The following RHOJ variants were observed in gnomAD, a reference collection of about 807,000 sequenced individuals.
The protein encoded by RHOJ is ras homolog family member J.
In RHOJ, 11 loss-of-function variants were observed where a neutral mutation model predicts 23.4. The ratio of observed to expected loss-of-function variants is 0.47; its 90% CI spans 0.30 to 0.78. The LOEUF (loss-of-function observed/expected upper bound fraction) is 0.78. Among genes scored for constraint, RHOJ ranks in the 30% least tolerant of loss-of-function variants. The pLI, the probability that RHOJ is intolerant of heterozygous loss-of-function variation, is 0.08. For missense variants in RHOJ, 254 were observed against 273.4 expected (o/e 0.93, Z 0.50); for synonymous variants, 102 against 102.7 (o/e 0.99, Z 0.04).
At chr14:63,288,947 T>C (rs1882166647) in intron 4 of RHOJ, among the ~76,000 whole-genome samples, 1 of 152,204 alleles carries the variant, frequency 6.6e-6, no homozygotes, top group Non-Finnish European at 1.5e-5. Context: ...AGCTGAGTGA[T>C]AGGGGTCACA....
intron 1 of RHOJ, among the ~76,000 whole-genome samples, chr14:63,254,744 G>T (rs568262340): frequency 6.6e-6 from 1 of 152,254 alleles, no homozygotes; most frequent in Admixed American, 6.5e-5. Flanking sequence ...TGCTCCTAAA[G>T]CCATGCCCAC....
chr14:63,244,983 T>C (rs1894950875), intron 1 of RHOJ, among the ~76,000 whole-genome samples: 1 of 152,244 alleles, frequency 6.6e-6, no homozygotes, highest in South Asian at 2.1e-4. Context: ...GTATGAGCTT[T>C]GGAGTTCAAC....
chr14:63,229,772 A>G (rs1360310843), intron 1 of RHOJ, among the ~76,000 whole-genome samples: 4 of 152,182 alleles, frequency 2.6e-5, no homozygotes, highest in Non-Finnish European at 5.9e-5. Flanking sequence ...TAATCTCCTT[A>G]TCTTAAGGGC....
chr14:63,253,843 G>T (rs1895115575), intron 1 of RHOJ, among the ~76,000 whole-genome samples: 1 of 152,214 alleles, frequency 6.6e-6, no homozygotes, highest in African/African-American at 2.4e-5. Flanking sequence ...GCTTGAGTTT[G>T]TCTCAGGAGG....
intron 4 of RHOJ, among the ~76,000 whole-genome samples, chr14:63,289,057 T>G (rs1882169353): frequency 1.3e-5 from 2 of 152,220 alleles, no homozygotes; most frequent in South Asian, 4.1e-4. Context: ...GCAATTCATT[T>G]TACCTCTCTG....
At chr14:63,217,201 A>G (rs1215380075) in intron 1 of RHOJ, among the ~76,000 whole-genome samples, 1 of 150,212 alleles carries the variant, frequency 6.7e-6, no homozygotes, top group Non-Finnish European at 1.5e-5. Flanking sequence ...CTCGTCATCT[A>G]GCATTAGGTA....
intron 1 of RHOJ, among the ~76,000 whole-genome samples, chr14:63,215,904 T>TTGAATGAA (rs564224871): frequency 2.6e-5 from 4 of 152,080 alleles, no homozygotes; most frequent in Admixed American, 6.6e-5. Context: ...GAACTGTTTG[T>TTGAATGAA]TGAATGAATG....
At chr14:63,208,143 G>A (rs1234353780) in intron 1 of RHOJ, among the ~76,000 whole-genome samples, 1 of 151,682 alleles carries the variant, frequency 6.6e-6, no homozygotes, top group African/African-American at 2.4e-5. Context: ...GGAAATATCA[G>A]TTTTGCATGA....
intron 1 of RHOJ, among the ~76,000 whole-genome samples, chr14:63,267,079 T>A (rs1348749690): frequency 6.6e-6 from 1 of 152,212 alleles, no homozygotes; most frequent in East Asian, 1.9e-4. Flanking sequence ...GAATCTGGTC[T>A]TTCTGCTCCT....
At chr14:63,283,271 T>C (rs749743772) in intron 4 of RHOJ, 55 bp downstream of exon 4, 4 of 1,445,670 alleles carry the variant, frequency 2.8e-6, no homozygotes, top group South Asian at 1.1e-5. Flanking sequence ...GAGTGTGTTG[T>C]ATGCTTTGGA....
rs191951720 is a variant in RHOJ, at chr14:63,263,031, C to T, written c.179-6079C>T. 1.1e-4 allele frequency among the ~76,000 whole-genome samples: 16 copies of T among 152,238 alleles called. No individual in the cohort carries two copies. The East Asian group carries it at 2.7e-3, about 26-fold the overall frequency. On this transcript the variant is annotated intron_variant, in intron 1 of 4. Transcript: ENST00000316754. The stretch of plus-strand genomic sequence containing the variant: ...TTGCTGAAAGAGGAAAAATAACAGT[C>T]GTTTAGTACCCACCATAGGTCAGAC...
chr14:63,285,787 G>A (rs1882064214), intron 4 of RHOJ, among the ~76,000 whole-genome samples: 1 of 152,172 alleles, frequency 6.6e-6, no homozygotes, highest in Non-Finnish European at 1.5e-5. Context: ...ATATGTGCCA[G>A]GTGCTATGCT....
At chr14:63,219,155 C>T (rs1048390240) in intron 1 of RHOJ, among the ~76,000 whole-genome samples, 6 of 152,112 alleles carry the variant, frequency 3.9e-5, no homozygotes, top group Non-Finnish European at 2.9e-5. Context: ...TATTGGCAGA[C>T]ACTTAGCTCC....
Position 63,269,182 on chromosome 14 carries a change from A to T in RHOJ, c.237+14A>T, listed in dbSNP as rs1158794477. ...ACCGCGGGACAGGTACATTTTTATTATCTTGATTCATTGGAGGGCGGTGGT... is the reference window on the plus strand; with the variant it reads ...ACCGCGGGACAGGTACATTTTTATTTTCTTGATTCATTGGAGGGCGGTGGT... On this transcript the variant is annotated intron_variant, in intron 2 of 4. Coordinates refer to ENST00000316754, the MANE Select transcript of RHOJ (RefSeq NM_020663.5). 1.2e-6 allele frequency: 2 copies of T among 1,600,794 alleles called. No individual in the cohort carries two copies. The highest frequency in any genetic ancestry group is 8.6e-7 in the Non-Finnish European group (1 of 1,168,072).
chr14:63,230,067 C>A (rs1894662750), intron 1 of RHOJ, among the ~76,000 whole-genome samples: 1 of 152,066 alleles, frequency 6.6e-6, no homozygotes, highest in South Asian at 2.1e-4. Flanking sequence ...TTGTCTCAAC[C>A]ACCCTTACAG....
intron 1 of RHOJ, among the ~76,000 whole-genome samples, chr14:63,228,841 T>C (rs138177276): frequency 2.0e-5 from 3 of 152,334 alleles, no homozygotes; most frequent in African/African-American, 7.2e-5. Context: ...GCATTCACAA[T>C]TAAGTAATTT....
At chr14:63,284,142 A>G (rs1400915235) in intron 4 of RHOJ, 1 of 813,556 alleles carries the variant, frequency 1.2e-6, no homozygotes, top group Non-Finnish European at 1.5e-6. Flanking sequence ...GCCAGTCAAG[A>G]ATATTAACTA....
In RHOJ at chr14:63,210,841, T is replaced by C. The variant is rs1029680044; in HGVS notation, c.178+5794T>C. Among the ~76,000 whole-genome samples the C allele has an allele frequency of 5.3e-5, 8 of 152,340 alleles. No individual in the cohort carries two copies. The East Asian group carries it at 1.3e-3, about 26-fold the overall frequency. ...AAGCTCATTCCAGCTGAAACCTCTT[T>C]ACGATGTTCACCATTTCCACCATCC... On this transcript the variant is annotated intron_variant, in intron 1 of 4. Coordinates refer to ENST00000316754, the MANE Select transcript of RHOJ (RefSeq NM_020663.5).
chr14:63,220,897 G>A (rs1894477376), intron 1 of RHOJ, among the ~76,000 whole-genome samples: 1 of 152,018 alleles, frequency 6.6e-6, no homozygotes, highest in African/African-American at 2.4e-5. Flanking sequence ...AAAGCAAAAC[G>A]GAATTTTTTA....
Sources: gnomAD v4.1 joint callset for allele counts (sites outside exome capture counted in the v4.1 genomes callset) on GRCh38, gnomAD v4.1.1 for gene constraint, MANE v1.5 for transcripts, NCBI Gene and HGNC (gene_info 2026-07-23, HGNC 2026-07-21) for gene names.